The following GNL3 variants were observed in gnomAD, a reference collection of about 807,000 sequenced individuals.
GNL3 encodes guanine nucleotide-binding protein-like 3.
In GNL3, 77 loss-of-function variants were observed where a neutral mutation model predicts 70.6. That is an observed-to-expected ratio of 1.09 (90% CI 0.91 to 1.32). The LOEUF (loss-of-function observed/expected upper bound fraction) is 1.32. GNL3 is among the 40% of genes most tolerant of loss of function. GNL3 has a pLI of 0.00. For synonymous variants in GNL3, 252 were observed against 216.1 expected (o/e 1.17, Z -1.46); for missense variants, 634 against 644.0 (o/e 0.98, Z 0.17).
Position 52,693,181 on chromosome 3 carries a change from T to A in GNL3, c.1045-6T>A. On this transcript the variant is annotated splice_region_variant and splice_polypyrimidine_tract_variant and intron_variant, in intron 10 of 14. Transcript: ENST00000418458. The stretch of plus-strand genomic sequence containing the variant: ...GACAGCTCCTTTGTTTGGTTTTTTT[T>A]TTAAGGTAGTACTGAAATATACTGT... 1 of 1,592,384 alleles carries A rather than the reference T, an allele frequency of 6.3e-7. No individual in the cohort carries two copies. Among genetic ancestry groups the A allele is most frequent in the Non-Finnish European group, 8.5e-7 (1 of 1,173,760 alleles).
At position 52,686,819 on chromosome 3, in the gene GNL3, C is replaced by CA. The variant is rs1040208210; in HGVS notation, c.71dup (p.Val25GlyfsTer13). 6.2e-6 allele frequency: 10 copies of CA among 1,606,382 alleles called. No homozygotes were observed. The highest frequency in any genetic ancestry group is 3.3e-5 in the South Asian group (3 of 90,396). ...GACCTGCCATAAGCGGTATAAAATC[C>CA]AAAAAAAGGTAAGTGTAGTGCTTGA... On this transcript the variant is annotated frameshift_variant, in exon 2 of 15. Transcript: ENST00000418458. LOFTEE classifies it high-confidence loss of function.
At position 52,691,057 on chromosome 3, in the gene GNL3, G is replaced by T. The variant is rs181565591; in HGVS notation, c.767G>T (p.Arg256Leu). ...CAGGAAACTTGCAGCAAAGCCATTC[G>T]GGTTGGAGTAATTGGTGAGTTTCAG... ...GFQETCSKAI[R>L]VGVIGFPNVG... The change falls in exon 8 of 15, where the codon CGG becomes CTG. Residue 256 changes from arginine to leucine, a missense_variant. Coordinates refer to ENST00000418458, the MANE Select transcript of GNL3 (RefSeq NM_014366.5). The T allele has an allele frequency of 2.5e-5, 41 of 1,613,938 alleles. 1 individual carries two copies. The South Asian group carries it at 4.4e-4, about 17-fold the overall frequency.
rs71087009 is a variant in GNL3 at position 52,692,369 on chromosome 3, A to ACTTTTTTTTTTTTTTTTTTTTTTTTT, written c.870-503_870-502insCTTTTTTTTTTTTTTTTTTTTTTTTT. Among the ~76,000 whole-genome samples, 8 of 126,410 alleles carry ACTTTTTTTTTTTTTTTTTTTTTTTTT rather than the reference A, an allele frequency of 6.3e-5. 1 individual carries two copies. Among genetic ancestry groups the ACTTTTTTTTTTTTTTTTTTTTTTTTT allele is most frequent in the South Asian group, 2.3e-4 (1 of 4,306 alleles). 82.9% of individuals were successfully genotyped at this position (126,410 alleles called of 152,430 possible). A position where few individuals can be genotyped will look rare whatever the true frequency, so the allele number is the denominator to read the frequency against. On this transcript the variant is annotated intron_variant, in intron 9 of 14. Transcript: ENST00000418458. ...GCCACTGTGCCTGGCCAACTTTTAG[A>ACTTTTTTTTTTTTTTTTTTTTTTTTT]TTTTTTTTTTTTGGGAGATGGAGTC... is the stretch of plus-strand genomic sequence containing the variant.
At chr3:52,691,182 G>A in intron 8 of GNL3, 111 bp downstream of exon 8, 1 of 920,320 alleles carries the variant, frequency 1.1e-6, no homozygotes, top group Non-Finnish European at 1.7e-6. Flanking sequence ...TCAAGTAAAA[G>A]GCTCACTCAA....
rs1334283773 is a variant in GNL3, at chr3:52,686,036, C to G, written c.-57C>G. ...GTGACGCTCGTCAGTGGCTTCAGTT[C>G]ACACGTGGCGCCAGCGGAGGCAGGT... is the stretch of plus-strand genomic sequence containing the variant. On this transcript the variant is annotated 5_prime_UTR_variant, in exon 1 of 15. Coordinates refer to ENST00000418458, the MANE Select transcript of GNL3 (RefSeq NM_014366.5). The G allele has an allele frequency of 5.8e-6, 5 of 860,072 alleles. No homozygotes were observed. In the African/African-American group the frequency reaches 6.6e-5, roughly 11 times the overall value. The allele number at this position is 860,072 out of a possible 1,614,324, so 53.3% of individuals were successfully genotyped here.
Position 52,689,085 on chromosome 3 carries a change from C to T in GNL3, c.420C>T (p.Ala140=). ...TTTTTCCTTGATAGGTGATTGAAGC[C>T]TCCGATGTTGTCCTAGAGGTGTTGG... ...YCQELKKVIE[A]SDVVLEVLDA... is the part of the protein sequence containing the mutation. The change falls in exon 6 of 15, where the codon GCC becomes GCT. Residue 140 remains alanine, a synonymous_variant. Transcript: ENST00000418458. 1 of 1,613,464 alleles carries T rather than the reference C, an allele frequency of 6.2e-7. No homozygotes were observed. Among genetic ancestry groups the T allele is most frequent in the Non-Finnish European group, 8.5e-7 (1 of 1,179,360 alleles).
Position 52,693,066 on chromosome 3 carries a change from T to A in GNL3, c.1044+20T>A, listed in dbSNP as rs745848203. ...CGACAGGTAAAAGGACCCCTTCTCATGAGCTCCTTGGAGCCATCTTCTTTC... is the reference window on the plus strand; with the variant it reads ...CGACAGGTAAAAGGACCCCTTCTCAAGAGCTCCTTGGAGCCATCTTCTTTC... On this transcript the variant is annotated intron_variant, in intron 10 of 14. Transcript: ENST00000418458. The A allele has an allele frequency of 1.9e-6, 3 of 1,612,878 alleles. No individual in the cohort carries two copies. Among genetic ancestry groups the A allele is most frequent in the Non-Finnish European group, 2.5e-6 (3 of 1,178,994 alleles).
chr3:52,690,533 G>C (rs1412222882), intron 6 of GNL3, 59 bp from the exon 7 acceptor site: 2 of 921,732 alleles, frequency 2.2e-6, no homozygotes, highest in South Asian at 1.3e-5. Flanking sequence ...AAAGTGCTGG[G>C]ATTACAGGCG....
At chr3:52,691,520 TG>T (rs1474138796) in intron 8 of GNL3, 21 bp from the exon 9 acceptor site, 12 of 1,371,228 alleles carry the variant, frequency 8.8e-6, no homozygotes, top group Non-Finnish European at 1.2e-5. Context: ...TTTTTATATC[TG>T]GATTTCCCAT....
rs71087009 is a variant in GNL3, at chr3:52,692,369, A to ACTTTTTTTTTT, written c.870-503_870-502insCTTTTTTTTTT. Among the ~76,000 whole-genome samples, 184 of 126,406 alleles carry ACTTTTTTTTTT rather than the reference A, an allele frequency of 1.5e-3. 4 individuals carry two copies. Among genetic ancestry groups the ACTTTTTTTTTT allele is most frequent in the Non-Finnish European group, 1.1e-3 (70 of 61,218 alleles). The allele number at this position is 126,406 out of a possible 152,430, so 82.9% of individuals were successfully genotyped here. On this transcript the variant is annotated intron_variant, in intron 9 of 14. Coordinates refer to ENST00000418458, the MANE Select transcript of GNL3 (RefSeq NM_014366.5). ...GCCACTGTGCCTGGCCAACTTTTAG[A>ACTTTTTTTTTT]TTTTTTTTTTTTGGGAGATGGAGTC...
rs761575855 is a variant in GNL3 at position 52,693,296 on chromosome 3, G to T, written c.1154G>T (p.Gly385Val). The change falls in exon 11 of 15, where the codon GGT (glycine) becomes GTT (valine). Residue 385 changes from glycine to valine, a missense_variant. Physicochemically the swap from Gly to Val is moderately radical, Grantham distance 109. Transcript: ENST00000418458. ...AAAGGTGGAATCCCAAATGTTGAAG[G>T]TGCTGCCAAACTGCTGTGGTCTGAG... is the stretch of plus-strand genomic sequence containing the variant. Reference protein sequence around the residue: ...HQKGGIPNVEGAAKLLWSEWT... With the variant: ...HQKGGIPNVEVAAKLLWSEWT... 6.2e-7 allele frequency: 1 copy of T among 1,614,128 alleles called. No homozygotes were observed. The highest frequency in any genetic ancestry group is 2.2e-5 in the East Asian group (1 of 44,882).
At position 52,688,115 on chromosome 3, in the gene GNL3, G is replaced by A. The variant is rs2097323994; in HGVS notation, c.331G>A (p.Gly111Arg). ...SNVEPMEKEF[G>R]LCKTENKAKS... is the part of the protein sequence containing the mutation. ...TTCCCCCTTTATCCTCTAGGAGTTT[G>A]GGCTTTGCAAAACTGAGAACAAAGC... The change falls in exon 5 of 15, where the codon GGG (glycine) becomes AGG (arginine). Residue 111 changes from glycine to arginine, a missense_variant. Physicochemically the swap from Gly to Arg is moderately radical, Grantham distance 125. Coordinates refer to ENST00000418458, the MANE Select transcript of GNL3 (RefSeq NM_014366.5). The A allele has an allele frequency of 6.3e-7, 1 of 1,592,608 alleles. No homozygotes were observed. The highest frequency in any genetic ancestry group is 1.7e-5 in the Admixed American group (1 of 59,960).
rs1215754827 is a variant in GNL3, at chr3:52,693,726, G to A, written c.1419G>A (p.Leu473=). 6.2e-7 allele frequency: 1 copy of A among 1,613,892 alleles called. No individual in the cohort carries two copies. Among genetic ancestry groups the A allele is most frequent in the Non-Finnish European group, 8.5e-7 (1 of 1,179,924 alleles). The change falls in exon 13 of 15, where the codon TTG becomes TTA. Residue 473 remains leucine (L), a synonymous_variant. Transcript: ENST00000418458. The part of the protein sequence containing the change: ...IIEEKDIHEE[L]PKRKERKQEE... ...AAGAAAAGGACATACATGAAGAATT[G>A]CCAAAACGGAAAGAAAGGAAGCAGG...
intron 8 of GNL3, 28 bp from the exon 9 acceptor site, chr3:52,691,514 T>C (rs745556235): frequency 1.5e-6 from 2 of 1,300,060 alleles, no homozygotes; most frequent in Non-Finnish European, 2.2e-6. Flanking sequence ...TAATGCTTTT[T>C]ATATCTGGAT....
chr3:52,687,679 C>T (rs915216702), intron 4 of GNL3, 64 bp downstream of exon 4: 2 of 973,092 alleles, frequency 2.1e-6, no homozygotes, highest in Non-Finnish European at 3.2e-6. Flanking sequence ...TTTGCTTGGG[C>T]CTGAGTGCAG....
At position 52,687,504 on chromosome 3, in the gene GNL3, T is replaced by C. The variant is rs779205225; in HGVS notation, c.213T>C (p.Leu71=). ...TATTTCCCTTATGGCTCTGACAGCT[T>C]GAAGAACTAAAACAGCAGCAGAAAC... ...LREAELRKQR[L]EELKQQQKLD... Residue 71 remains leucine, a splice_region_variant and synonymous_variant, in exon 4 of 15, where the codon CTT becomes CTC. Coordinates refer to ENST00000418458, the MANE Select transcript of GNL3 (RefSeq NM_014366.5). 6.2e-7 allele frequency: 1 copy of C among 1,611,600 alleles called. No individual in the cohort carries two copies. The highest frequency in any genetic ancestry group is 1.7e-5 in the Admixed American group (1 of 59,968).
chr3:52,686,106 G>C lies in GNL3; in HGVS notation c.13+1G>C, dbSNP rs774330775. On this transcript the variant is annotated splice_donor_variant, in intron 1 of 14. Transcript: ENST00000418458. LOFTEE classifies it high-confidence loss of function. ...TCTACAGCCAATATGAAAAGGCCTA[G>C]TAAGTGGGGTCGGGAGGCGGGCGTG... The C allele has an allele frequency of 6.5e-7, 1 of 1,547,288 alleles. No individual in the cohort carries two copies. The highest frequency in any genetic ancestry group is 8.9e-7 in the Non-Finnish European group (1 of 1,118,988).
chr3:52,687,017 C>CAATTTGT, intron 2 of GNL3, 190 bp downstream of exon 2: 1 of 630,100 alleles, frequency 1.6e-6, no homozygotes, highest in Non-Finnish European at 2.8e-6. Flanking sequence ...GGTGATAAGT[C>CAATTTGT]TCTAAATTTG....
chr3:52,691,671 CTA>C (rs1272152200), intron 9 of GNL3, 42 bp downstream of exon 9: 1 of 947,056 alleles, frequency 1.1e-6, no homozygotes, highest in African/African-American at 1.7e-5. Context: ...TAGTGACACA[CTA>C]TTTTATTTTG....
Sources: gnomAD v4.1 joint callset for allele counts (sites outside exome capture counted in the v4.1 genomes callset) on GRCh38, gnomAD v4.1.1 for gene constraint, MANE v1.5 for transcripts, NCBI Gene and HGNC (gene_info 2026-07-23, HGNC 2026-07-21) for gene names.